The following FGF13 variants were observed in gnomAD, a reference collection of about 807,000 sequenced individuals.
FGF13 encodes the protein fibroblast growth factor 13, also known as fibroblast growth factor homologous factor 2.
A neutral mutation model predicts 19.5 loss-of-function variants in FGF13; 2 were observed. That is an observed-to-expected ratio of 0.10 (90% CI 0.04 to 0.32). The LOEUF (loss-of-function observed/expected upper bound fraction) is 0.32. Among genes scored for constraint, FGF13 ranks in the 10% least tolerant of loss-of-function variants. FGF13 has a pLI of 1.00. For synonymous variants in FGF13, 72 were observed against 76.9 expected, an observed-to-expected ratio of 0.94 and a Z score of 0.33; for missense variants, 113 against 192.7, an observed-to-expected ratio of 0.59 and a Z score of 2.45.
chrX:139,160,961 C>A (rs754812865), intron 1 of FGF13, among the ~76,000 whole-genome samples: 1 of 111,395 alleles, frequency 9.0e-6, no homozygotes, highest in Non-Finnish European at 1.9e-5. Flanking sequence ...TTCCAAACAA[C>A]GGAAAAAGAG....
At chrX:138,743,532 G>C (rs1466652823), upstream of FGF13, among the ~76,000 whole-genome samples, 1 of 111,154 alleles carries the variant, frequency 9.0e-6, no homozygotes, top group Non-Finnish European at 1.9e-5. Context: ...TGGACTTTCG[G>C]TGATAAGGGC....
chrX:138,860,209 G>C (rs2091281460), intron 2 of FGF13, among the ~76,000 whole-genome samples: 1 of 111,514 alleles, frequency 9.0e-6, no homozygotes, highest in Admixed American at 9.6e-5. Context: ...AATTAAAACT[G>C]TTATATCAAA....
intron 1 of FGF13, among the ~76,000 whole-genome samples, chrX:139,190,674 C>T (rs1211459478): frequency 1.8e-5 from 2 of 112,039 alleles, no homozygotes; most frequent in Non-Finnish European, 3.8e-5. Flanking sequence ...GGCTGCAGAA[C>T]AATGTGAATA....
rs750943602 is a variant in FGF13 at position 138,633,050 on chromosome X, TAAG to T, written c.602-67_602-65del. On this transcript the variant is annotated intron_variant, in intron 4 of 4. Coordinates refer to ENST00000315930, the MANE Select transcript of FGF13 (RefSeq NM_004114.5). ...TGGGCATACCAATTGTGAAAATTTC[TAAG>T]AATAGTTTGTAGGTGTTCTATTCCA... 1.4e-4 allele frequency: 161 copies of T among 1,127,344 alleles called. 1 individual carries two copies. In the South Asian group the frequency reaches 3.1e-3, roughly 22 times the overall value. 92.9% of individuals were successfully genotyped at this position (1,127,344 alleles called of 1,213,427 possible). A position where few individuals can be genotyped will look rare whatever the true frequency, so the allele number is the denominator to read the frequency against.
At chrX:138,915,282 C>T (rs1410110163) in intron 1 of FGF13, among the ~76,000 whole-genome samples, 3 of 111,937 alleles carry the variant, frequency 2.7e-5, no homozygotes, top group African/African-American at 9.7e-5. Flanking sequence ...AACTCAGATC[C>T]TGTCTCAGGG....
intron 2 of FGF13, among the ~76,000 whole-genome samples, chrX:138,703,671 A>T: frequency 8.9e-6 from 1 of 112,287 alleles, no homozygotes; most frequent in Non-Finnish European, 1.9e-5. Flanking sequence ...GGTCTTGTAA[A>T]AAGAAAAAGT....
chrX:139,000,204 T>C lies in FGF13; in HGVS notation c.-112-135554A>G, dbSNP rs1478946467. Among the ~76,000 whole-genome samples the C allele has an allele frequency of 7.2e-5, 8 of 111,656 alleles. No individual in the cohort carries two copies. The East Asian group carries it at 2.2e-3, about 31-fold the overall frequency. On this transcript the variant is annotated intron_variant, in intron 1 of 2. Transcript: ENST00000421460. Reference sequence around the variant, plus strand: ...TGTATCTCAAAATAATAAGACCTATTTATGACAAACCCACAGCCAATATCA... The same window carrying C: ...TGTATCTCAAAATAATAAGACCTATCTATGACAAACCCACAGCCAATATCA...
chrX:138,800,329 A>T (rs760214344), intron 3 of FGF13, among the ~76,000 whole-genome samples: 1 of 111,763 alleles, frequency 8.9e-6, no homozygotes, highest in Non-Finnish European at 1.9e-5. Flanking sequence ...TGCTTCGCTT[A>T]TGAAGCCTAG....
chrX:139,200,440 A>T (rs1009817219), intron 1 of FGF13, among the ~76,000 whole-genome samples: 1 of 112,165 alleles, frequency 8.9e-6, no homozygotes, highest in Non-Finnish European at 1.9e-5. Context: ...TGAACAAAAA[A>T]CGAACTGTGG....
At chrX:138,982,063 G>T (rs2124333253) in intron 1 of FGF13, among the ~76,000 whole-genome samples, 1 of 112,005 alleles carries the variant, frequency 8.9e-6, no homozygotes, top group Non-Finnish European at 1.9e-5. Flanking sequence ...CATGATTAAT[G>T]TGGTAGAATG....
intron 1 of FGF13, among the ~76,000 whole-genome samples, chrX:139,163,851 C>T (rs1206081037): frequency 9.0e-6 from 1 of 111,319 alleles, no homozygotes; most frequent in Non-Finnish European, 1.9e-5. Context: ...GGATGCTGTG[C>T]ATTAGAGATC....
chrX:138,762,614 T>A (rs2090475777), intron 3 of FGF13, among the ~76,000 whole-genome samples: 1 of 111,550 alleles, frequency 9.0e-6, no homozygotes, highest in African/African-American at 3.3e-5. Context: ...GTATTGACAG[T>A]CAAATTGTCT....
rs5931515 is a variant in FGF13 at position 138,919,124 on chromosome X, C to T, written c.-112-54474G>A. On this transcript the variant is annotated intron_variant, in intron 1 of 2. Transcript: ENST00000421460. ...TAAAGGAAATGACTGATAAACATTG[C>T]TACATTAAAATTTAAAATGTATGCA... is the stretch of plus-strand genomic sequence containing the variant. Among the ~76,000 whole-genome samples, 523 of 111,686 alleles carry T rather than the reference C, an allele frequency of 4.7e-3. 3 individuals carry two copies. Among genetic ancestry groups the T allele is most frequent in the South Asian group, 0.017 (45 of 2,685 alleles).
At chrX:138,913,582 A>AAAGAG (rs368072151) in intron 1 of FGF13, among the ~76,000 whole-genome samples, 7 of 106,728 alleles carry the variant, frequency 6.6e-5, no homozygotes, top group Admixed American at 2.1e-4. Flanking sequence ...AAAGAAAAGA[A>AAAGAG]AAGAGAAGAG....
chrX:138,638,289 CA>C (rs1169013557), intron 3 of FGF13, among the ~76,000 whole-genome samples: 6 of 112,033 alleles, frequency 5.4e-5, no homozygotes, highest in Admixed American at 1.9e-4. Flanking sequence ...CGTCATCTTC[CA>C]GTGTCATTCA....
chrX:138,711,302 G>T lies in FGF13; in HGVS notation c.-299C>A. 1 of 901,484 alleles carries T rather than the reference G, an allele frequency of 1.1e-6. No individual in the cohort carries two copies. Among genetic ancestry groups the T allele is most frequent in the South Asian group, 4.7e-5 (1 of 21,164 alleles). The allele number at this position is 901,484 out of a possible 1,213,427, so 74.3% of individuals were successfully genotyped here. A position where few individuals can be genotyped will look rare whatever the true frequency, so the allele number is the denominator to read the frequency against. ...GAGACTGGCACGCGGATGCTGAACT[G>T]CGCGACTGCGTGTGGTCGGCCCCTG... On this transcript the variant is annotated 5_prime_UTR_variant, in exon 1 of 5. Transcript: ENST00000315930.
chrX:138,789,920 C>T (rs1021946499), intron 3 of FGF13, among the ~76,000 whole-genome samples: 2 of 105,074 alleles, frequency 1.9e-5, no homozygotes, highest in Admixed American at 2.1e-4. Flanking sequence ...TGGCAGGCGC[C>T]TGTAGTCTCA....
intron 1 of FGF13, among the ~76,000 whole-genome samples, chrX:139,011,428 A>C (rs764890024): frequency 1.8e-5 from 2 of 110,905 alleles, no homozygotes; most frequent in East Asian, 5.7e-4. Flanking sequence ...AAATAGATGC[A>C]AAAATCCTCA....
chrX:139,070,642 G>A (rs62602250), intron 1 of FGF13, among the ~76,000 whole-genome samples: 16,944 of 111,430 alleles, frequency 0.15, 1,146 homozygotes, highest in African/African-American at 0.26. Context: ...ATACCCAAAG[G>A]ATTACAAATC....
Sources: gnomAD v4.1 joint callset for allele counts (sites outside exome capture counted in the v4.1 genomes callset) on GRCh38, gnomAD v4.1.1 for gene constraint, MANE v1.5 for transcripts, NCBI Gene and HGNC (gene_info 2026-07-23, HGNC 2026-07-21) for gene names.